Variants in HSH2D observed in about 807,000 individuals in gnomAD.
HSH2D encodes the protein hematopoietic SH2 domain containing.
In HSH2D, 16 loss-of-function variants were observed where a neutral mutation model predicts 21.5. The ratio of observed to expected loss-of-function variants is 0.74; its 90% CI spans 0.50 to 1.13. HSH2D has a LOEUF of 1.13. Ranked by LOEUF, HSH2D falls within the 50% of genes most tolerant of loss-of-function variation. The pLI is 0.00. For synonymous variants in HSH2D, 172 were observed against 184.7 expected (o/e 0.93, Z 0.56); for missense variants, 418 against 441.4 (o/e 0.95, Z 0.47).
intron 5 of HSH2D, among the ~76,000 whole-genome samples, chr19:16,155,217 A>T (rs994782051): frequency 1.3e-5 from 2 of 152,070 alleles, no homozygotes; most frequent in African/African-American, 4.8e-5. Flanking sequence ...AGGGGAAGTT[A>T]TGACAGTGGT....
intron 4 of HSH2D, among the ~76,000 whole-genome samples, chr19:16,154,031 G>A (rs1568332476): frequency 6.7e-6 from 1 of 148,270 alleles, no homozygotes; most frequent in Admixed American, 6.7e-5. Context: ...CTCAGTGGGT[G>A]TGGCCTAGCT....
At chr19:16,139,899 C>T (rs1052994931), upstream of HSH2D, 10 of 152,184 alleles carry the variant, frequency 6.6e-5, no homozygotes, top group Non-Finnish European at 1.2e-4. Context: ...GTTTGCGGGC[C>T]GAGGCCTGCG....
Position 16,157,623 on chromosome 19 carries a change from G to C in HSH2D, c.888G>C (p.Ser296=), listed in dbSNP as rs766940068. Residue 296 remains serine, a synonymous_variant, in exon 6 of 6, where the codon TCG becomes TCC. Coordinates refer to ENST00000613986, the MANE Select transcript of HSH2D (RefSeq NM_001382417.1). The surrounding 1 kb of genome is among the most constrained non-coding windows in gnomAD (Gnocchi z 4.4). ...RKVPTRKAER[S]VSCIEVTPGD... is the part of the protein sequence containing the mutation. ...TCCCCACCAGGAAGGCCGAGAGGTC[G>C]GTCAGCTGCATTGAGGTGACCCCAG... is the stretch of plus-strand genomic sequence containing the variant. The C allele has an allele frequency of 6.2e-7, 1 of 1,613,780 alleles. No individual in the cohort carries two copies.
chr19:16,143,590 C>A, upstream of HSH2D: 1 of 299,186 alleles, frequency 3.3e-6, no homozygotes, highest in East Asian at 1.2e-4. Context: ...CTTTGTTGGA[C>A]TGCAGACAGG....
At chr19:16,139,453 G>A (rs2090984942), upstream of HSH2D, among the ~76,000 whole-genome samples, 1 of 152,138 alleles carries the variant, frequency 6.6e-6, no homozygotes, top group Admixed American at 6.5e-5. Flanking sequence ...ATGGTGGTGT[G>A]AGCTTGTGAT....
Position 16,157,134 on chromosome 19 carries a change from C to A in HSH2D, c.475-76C>A. ...AGCCACAGGGTGTCTGGGTGGAACC[C>A]AGGCTCCAATTTCTGGGACAGACAT... On this transcript the variant is annotated intron_variant, in intron 5 of 5. Transcript: ENST00000613986. The surrounding 1 kb of genome is among the most constrained non-coding windows in gnomAD (Gnocchi z 4.4). 7.9e-7 allele frequency: 1 copy of A among 1,261,048 alleles called. No homozygotes were observed. Among genetic ancestry groups the A allele is most frequent in the Non-Finnish European group, 1.1e-6 (1 of 918,228 alleles). 78.1% of individuals were successfully genotyped at this position (1,261,048 alleles called of 1,614,324 possible). A position where few individuals can be genotyped will look rare whatever the true frequency, so the allele number is the denominator to read the frequency against.
Position 16,152,654 on chromosome 19 carries a change from C to T in HSH2D, c.215+13C>T, listed in dbSNP as rs778889592. 1 of 1,542,244 alleles carries T rather than the reference C, an allele frequency of 6.5e-7. No homozygotes were observed. Among genetic ancestry groups the T allele is most frequent in the Non-Finnish European group, 8.7e-7 (1 of 1,143,392 alleles). On this transcript the variant is annotated intron_variant, in intron 3 of 5. Coordinates refer to ENST00000613986, the MANE Select transcript of HSH2D (RefSeq NM_001382417.1). ...CACTCTCCTACAAGTAAGGCCTGGG[C>T]CGGGATCCAGGGCAGGGGCAGGTGG...
At chr19:16,142,918 ACCC>A (rs1357270946), upstream of HSH2D, among the ~76,000 whole-genome samples, 1 of 148,564 alleles carries the variant, frequency 6.7e-6, no homozygotes, top group East Asian at 2.0e-4. Flanking sequence ...GATTACAGGC[ACCC>A]GCCACCACGC....
intron 2 of HSH2D, among the ~76,000 whole-genome samples, chr19:16,151,827 C>T (rs1351943508): frequency 6.7e-6 from 1 of 149,960 alleles, no homozygotes; most frequent in East Asian, 2.0e-4. Flanking sequence ...GAAAACAGGC[C>T]GGGCACAGTG....
intron 1 of HSH2D, among the ~76,000 whole-genome samples, chr19:16,138,007 T>G (rs976632069): frequency 1.3e-5 from 2 of 152,160 alleles, no homozygotes; most frequent in African/African-American, 4.8e-5. Context: ...TAGCTGGGAT[T>G]ACAGGTCCCG....
intron 2 of HSH2D, among the ~76,000 whole-genome samples, chr19:16,152,109 A>C (rs1415182457): frequency 1.2e-4 from 2 of 16,012 alleles, no homozygotes; most frequent in Non-Finnish European, 2.0e-4. Context: ...CTGTCTCAAC[A>C]AAAAAAAAAA....
At chr19:16,143,809 CAG>C in intron 1 of HSH2D, 35 bp downstream of exon 1, 1 of 421,318 alleles carries the variant, frequency 2.4e-6, no homozygotes, top group South Asian at 1.6e-5. Flanking sequence ...CTCGAGGAGA[CAG>C]AACGTGGGGG....
At chr19:16,142,932 C>CCAGA, upstream of HSH2D, among the ~76,000 whole-genome samples, 1 of 151,490 alleles carries the variant, frequency 6.6e-6, no homozygotes, top group East Asian at 1.9e-4. Context: ...GCCACCACGC[C>CCAGA]TAATTTTTGT....
chr19:16,145,249 G>A lies in HSH2D; in HGVS notation c.-28+1475G>A, dbSNP rs974283168. Among the ~76,000 whole-genome samples, 3 of 151,942 alleles carry A rather than the reference G, an allele frequency of 2.0e-5. No individual in the cohort carries two copies. In the East Asian group the frequency reaches 5.8e-4, roughly 29 times the overall value. ...TTATTTTGAGATGGAGTCTTGCTCT[G>A]TTGCCCAGGCTGGAGTGCAGTGGCT... is the stretch of plus-strand genomic sequence containing the variant. On this transcript the variant is annotated intron_variant, in intron 1 of 5. Coordinates refer to ENST00000613986, the MANE Select transcript of HSH2D (RefSeq NM_001382417.1).
At chr19:16,138,272 C>G (rs1186354198) in intron 1 of HSH2D, among the ~76,000 whole-genome samples, 1 of 152,196 alleles carries the variant, frequency 6.6e-6, no homozygotes, top group Non-Finnish European at 1.5e-5. Flanking sequence ...TAGCATGGAG[C>G]AGTGCTTCCT....
intron 1 of HSH2D, among the ~76,000 whole-genome samples, chr19:16,136,475 TAGTG>T (rs1369171245): frequency 5.3e-5 from 8 of 152,134 alleles, no homozygotes; most frequent in Admixed American, 1.3e-4. Context: ...TTTAGGCAGA[TAGTG>T]AGGGCACCAG....
chr19:16,141,302 AC>A (rs949406082), upstream of HSH2D, among the ~76,000 whole-genome samples: 1 of 152,178 alleles, frequency 6.6e-6, no homozygotes, highest in Admixed American at 6.5e-5. Context: ...TGAGAGAGGC[AC>A]CCAGGGTGAG....
chr19:16,155,284 G>A (rs577727550), intron 5 of HSH2D, among the ~76,000 whole-genome samples: 2 of 151,986 alleles, frequency 1.3e-5, no homozygotes, highest in Admixed American at 6.6e-5. Context: ...TGCAAGTGGG[G>A]GAAGGCAGTC....
At chr19:16,155,424 G>A (rs1006099949) in intron 5 of HSH2D, among the ~76,000 whole-genome samples, 4 of 152,060 alleles carry the variant, frequency 2.6e-5, no homozygotes, top group Admixed American at 1.3e-4. Flanking sequence ...CCTGGGGCTT[G>A]GTGTGTTTGG....
Sources: gnomAD v4.1 joint callset for allele counts (sites outside exome capture counted in the v4.1 genomes callset) on GRCh38, gnomAD v4.1.1 for gene constraint, Gnocchi (gnomAD v3.1) non-coding constraint, MANE v1.5 for transcripts, NCBI Gene and HGNC (gene_info 2026-07-23, HGNC 2026-07-21) for gene names.